Variants in CXADR observed in about 807,000 individuals in gnomAD.
CXADR encodes the protein CXADR cell adhesion molecule.
CXADR carries 20 observed loss-of-function variants against 40.3 expected under a neutral mutation model. The observed-to-expected ratio is 0.50, with a 90% CI of 0.35 to 0.72. The LOEUF is 0.72. Ranked by LOEUF, CXADR falls within the 30% of genes least tolerant of loss-of-function variation. The probability of loss-of-function intolerance (pLI) is 0.01; values close to 1 mark genes in which losing one functional copy is unlikely to be tolerated. For synonymous variants in CXADR, 150 were observed against 161.3 expected (o/e 0.93, Z 0.53); for missense variants, 332 against 449.1 (o/e 0.74, Z 2.36).
chr21:17,590,912 ACT>A, intron 7 of CXADR, among the ~76,000 whole-genome samples: 1 of 152,056 alleles, frequency 6.6e-6, no homozygotes, highest in Non-Finnish European at 1.5e-5. Context: ...CAATAAAATT[ACT>A]ATCAGATGAT....
chr21:17,595,772 T>C (rs1216102031), downstream of CXADR, among the ~76,000 whole-genome samples: 1 of 152,044 alleles, frequency 6.6e-6, no homozygotes, highest in South Asian at 2.1e-4. Context: ...TTTATAGGCA[T>C]ATTTTCGTTT....
chr21:17,628,745 C>T, the CXADR span, among the ~76,000 whole-genome samples: 2 of 152,128 alleles, frequency 1.3e-5, no homozygotes, highest in African/African-American at 4.8e-5. Context: ...TCAGGCAATC[C>T]GCCCTCCTCG....
At chr21:17,627,576 C>G in the CXADR span, among the ~76,000 whole-genome samples, 2 of 152,044 alleles carry the variant, frequency 1.3e-5, no homozygotes, top group Non-Finnish European at 2.9e-5. Context: ...ATTGCTTGAG[C>G]CCAAGAGTCA....
rs1169731224 is a variant in CXADR, at chr21:17,561,383, T to C, written c.740T>C (p.Leu247Ser). ...GLIAGAIIGT[L>S]LALALIGLII... ...ATTGCAGGAGCCATTATAGGAACTTTGCTTGCTCTAGCGCTCATTGGTCTT... is the reference window on the plus strand; with the variant it reads ...ATTGCAGGAGCCATTATAGGAACTTCGCTTGCTCTAGCGCTCATTGGTCTT... Residue 247 changes from leucine to serine, a missense_variant, in exon 6 of 7, where the codon TTG (leucine) becomes TCG (serine). Coordinates refer to ENST00000284878, the MANE Select transcript of CXADR (RefSeq NM_001338.5). 1 of 1,607,390 alleles carries C rather than the reference T, an allele frequency of 6.2e-7. No homozygotes were observed. The highest frequency in any genetic ancestry group is 8.5e-7 in the Non-Finnish European group (1 of 1,177,026).
chr21:17,598,903 T>A, the CXADR span: 1 of 1,105,106 alleles, frequency 9.0e-7, no homozygotes, highest in Non-Finnish European at 1.3e-6. Context: ...CAAAGAGATC[T>A]GGACATGCCA....
the CXADR span, among the ~76,000 whole-genome samples, chr21:17,626,490 A>C: frequency 6.6e-6 from 1 of 151,892 alleles, no homozygotes; most frequent in African/African-American, 2.4e-5. Flanking sequence ...TTTATTTCTT[A>C]CTTGATGAAA....
At chr21:17,590,059 A>T (rs534173096) in intron 7 of CXADR, among the ~76,000 whole-genome samples, 1 of 152,052 alleles carries the variant, frequency 6.6e-6, no homozygotes, top group Non-Finnish European at 1.5e-5. Flanking sequence ...TTCCCTATGG[A>T]TTTATATTTT....
At chr21:17,583,868 A>C (rs1202135996) in intron 7 of CXADR, among the ~76,000 whole-genome samples, 1 of 152,184 alleles carries the variant, frequency 6.6e-6, no homozygotes. Context: ...TCTCTGTTAA[A>C]ATTAGCTTGT....
At chr21:17,573,267 A>G (rs971647511), downstream of CXADR, among the ~76,000 whole-genome samples, 5 of 152,146 alleles carry the variant, frequency 3.3e-5, no homozygotes, top group Non-Finnish European at 5.9e-5. Flanking sequence ...TCTGTAGCAA[A>G]TCTGTTTCCA....
the CXADR span, among the ~76,000 whole-genome samples, chr21:17,623,978 A>G: frequency 6.6e-6 from 1 of 152,122 alleles, no homozygotes; most frequent in Admixed American, 6.5e-5. Context: ...GAATGATGGC[A>G]ACATTTGTCT....
At chr21:17,594,417 T>C (rs534529331), downstream of CXADR, 11 of 1,253,070 alleles carry the variant, frequency 8.8e-6, no homozygotes, top group Non-Finnish European at 1.2e-5. Context: ...ACAAACAAAG[T>C]TACCCACAAC....
chr21:17,552,013 C>CT, intron 3 of CXADR, 60 bp downstream of exon 3: 1 of 1,254,000 alleles, frequency 8.0e-7, no homozygotes, highest in South Asian at 1.3e-5. Flanking sequence ...AGTCATAGTA[C>CT]TGTAGTAGCA....
At chr21:17,534,090 A>AGC (rs1332079778) in intron 1 of CXADR, among the ~76,000 whole-genome samples, 2 of 66,568 alleles carry the variant, frequency 3.0e-5, no homozygotes, top group Non-Finnish European at 6.0e-5. Context: ...ACATATATAT[A>AGC]TATATATATA....
intron 1 of CXADR, among the ~76,000 whole-genome samples, chr21:17,521,585 A>G (rs2060531192): frequency 1.3e-5 from 2 of 152,138 alleles, no homozygotes; most frequent in South Asian, 2.1e-4. Context: ...GGCTTCCCAA[A>G]GTGCTGGGAT....
intron 7 of CXADR, chr21:17,577,019 T>G (rs1489857931): frequency 6.6e-6 from 1 of 152,170 alleles, no homozygotes; most frequent in Non-Finnish European, 1.5e-5. Flanking sequence ...GTTTAGACTA[T>G]CTCCAAAACT....
At chr21:17,561,634 C>G (rs1458955776) in intron 6 of CXADR, among the ~76,000 whole-genome samples, 158 bp downstream of exon 6, 1 of 152,224 alleles carries the variant, frequency 6.6e-6, no homozygotes, top group East Asian at 1.9e-4. Flanking sequence ...TTACTTCTAA[C>G]TGCAAGTGCA....
chr21:17,598,544 C>A (rs1489511036), downstream of CXADR: 4 of 1,299,816 alleles, frequency 3.1e-6, no homozygotes, highest in African/African-American at 2.9e-5. Flanking sequence ...TTGGGCAATG[C>A]CAAGTAGGAC....
intron 1 of CXADR, among the ~76,000 whole-genome samples, chr21:17,536,787 C>CT (rs2060764441): frequency 6.6e-6 from 1 of 152,096 alleles, no homozygotes; most frequent in Non-Finnish European, 1.5e-5. Flanking sequence ...GACAGTGTCT[C>CT]ACTCTGTCTC....
At chr21:17,626,711 G>A in the CXADR span, among the ~76,000 whole-genome samples, 1 of 152,192 alleles carries the variant, frequency 6.6e-6, no homozygotes, top group African/African-American at 2.4e-5. Flanking sequence ...GCAGCTGCTG[G>A]GAATGGGGTA....
Sources: gnomAD v4.1 joint callset for allele counts (sites outside exome capture counted in the v4.1 genomes callset) on GRCh38, gnomAD v4.1.1 for gene constraint, MANE v1.5 for transcripts, NCBI Gene and HGNC (gene_info 2026-07-23, HGNC 2026-07-21) for gene names.